IGF2BP2: variants seen among roughly 807,000 people sequenced by gnomAD.
IGF2BP2 encodes insulin like growth factor 2 mRNA binding protein 2, also known as insulin-like growth factor 2 mRNA-binding protein 2.
IGF2BP2 carries 17 observed loss-of-function variants against 75.8 expected under a neutral mutation model. The observed-to-expected ratio is 0.22, with a 90% CI of 0.15 to 0.34. The LOEUF (loss-of-function observed/expected upper bound fraction) is 0.34. IGF2BP2 is among the 10% of genes least tolerant of loss of function. The pLI, the probability that IGF2BP2 is intolerant of heterozygous loss-of-function variation, is 1.00. For missense variants in IGF2BP2, 516 were observed against 772.4 expected (o/e 0.67, Z 3.93); for synonymous variants, 288 against 295.6 (o/e 0.97, Z 0.26).
chr3:185,675,108 C>T, intron 9 of IGF2BP2, 188 bp downstream of exon 9: 1 of 376,324 alleles, frequency 2.7e-6, no homozygotes, highest in Non-Finnish European at 4.6e-6. Flanking sequence ...ATTTTAATGT[C>T]TTCACGTGAT....
chr3:185,646,981 GAA>G lies in IGF2BP2; in HGVS notation c.1707+42_1707+43del, dbSNP rs755806389. ...GCCACCAGCAGCTTAGCAGAGAATT[GAA>G]AAGAGACTTGCAGGAGAGACAGGGC... On this transcript the variant is annotated intron_variant, in intron 15 of 15. Coordinates refer to ENST00000382199, the MANE Select transcript of IGF2BP2 (RefSeq NM_006548.6). 21 of 1,451,990 alleles carry G rather than the reference GAA, an allele frequency of 1.4e-5. No homozygotes were observed. In the East Asian group the frequency reaches 4.5e-4, roughly 31 times the overall value. 89.9% of individuals were successfully genotyped at this position (1,451,990 alleles called of 1,614,324 possible).
chr3:185,721,027 G>C (rs1318543301), intron 2 of IGF2BP2, among the ~76,000 whole-genome samples: 1 of 152,140 alleles, frequency 6.6e-6, no homozygotes, highest in Non-Finnish European at 1.5e-5. Flanking sequence ...ATGTGAGTGG[G>C]CAGATGTCAG....
At chr3:185,700,938 G>A (rs1300392130) in intron 2 of IGF2BP2, among the ~76,000 whole-genome samples, 2 of 152,084 alleles carry the variant, frequency 1.3e-5, no homozygotes, top group Admixed American at 6.6e-5. Context: ...CAAGAAAAGA[G>A]GTAATTACAG....
chr3:185,731,495 C>T (rs375172165), intron 2 of IGF2BP2, among the ~76,000 whole-genome samples: 3 of 151,826 alleles, frequency 2.0e-5, no homozygotes, highest in African/African-American at 7.3e-5. Context: ...TCAGGTGATC[C>T]GCTCACCTCA....
intron 10 of IGF2BP2, among the ~76,000 whole-genome samples, chr3:185,665,428 GAGGAGGAGGAGA>G (rs1560251224): frequency 1.0e-5 from 1 of 95,656 alleles, no homozygotes; most frequent in African/African-American, 3.4e-5. Flanking sequence ...GAAGGAGAAG[GAGGAGGAGGAGA>G]AGGAGGAGGA....
At chr3:185,684,967 T>G (rs1055486310) in intron 7 of IGF2BP2, among the ~76,000 whole-genome samples, 1 of 152,220 alleles carries the variant, frequency 6.6e-6, no homozygotes, top group Non-Finnish European at 1.5e-5. Context: ...ATCTTGGCTC[T>G]ACATGAAAAC....
intron 2 of IGF2BP2, among the ~76,000 whole-genome samples, chr3:185,792,825 T>G (rs7633675): frequency 0.45 from 67,687 of 151,140 alleles, 18,072 homozygotes; most frequent in African/African-American, 0.77. Context: ...CATATCATCA[T>G]CATTCCCCAA....
At chr3:185,749,401 C>G (rs1730672599) in intron 2 of IGF2BP2, among the ~76,000 whole-genome samples, 1 of 152,210 alleles carries the variant, frequency 6.6e-6, no homozygotes, top group African/African-American at 2.4e-5. Flanking sequence ...AATACACAAT[C>G]AATTGTTGAT....
At chr3:185,711,081 ATTC>A (rs571437523) in intron 2 of IGF2BP2, among the ~76,000 whole-genome samples, 12 of 152,372 alleles carry the variant, frequency 7.9e-5, no homozygotes, top group African/African-American at 2.4e-4. Flanking sequence ...CATATAAATT[ATTC>A]TTATTATTAA....
At chr3:185,721,077 G>C (rs893036566) in intron 2 of IGF2BP2, among the ~76,000 whole-genome samples, 5 of 152,210 alleles carry the variant, frequency 3.3e-5, no homozygotes, top group African/African-American at 1.2e-4. Flanking sequence ...ACTGTCAATA[G>C]AGTAAGAAGC....
intron 9 of IGF2BP2, 60 bp from the exon 10 acceptor site, chr3:185,672,729 G>A (rs1488649264): frequency 6.3e-7 from 1 of 1,592,978 alleles, no homozygotes; most frequent in Admixed American, 1.7e-5. Context: ...CCGCACGCCT[G>A]GGTCAACCTC....
rs1215130671 is a variant in IGF2BP2 at position 185,645,500 on chromosome 3, A to C, written c.*31T>G. ...GTCAGGTGTTGGAAGGGCTACATTC[A>C]TCCGTTGTTTTGCTGGTGCCTGTGG... On this transcript the variant is annotated 3_prime_UTR_variant, in exon 16 of 16. Coordinates refer to ENST00000382199, the MANE Select transcript of IGF2BP2 (RefSeq NM_006548.6). The surrounding 1 kb of genome is among the most constrained non-coding windows in gnomAD (Gnocchi z 4.9). The C allele has an allele frequency of 6.8e-7, 1 of 1,478,724 alleles. No homozygotes were observed. Among genetic ancestry groups the C allele is most frequent in the Admixed American group, 1.7e-5 (1 of 59,836 alleles). 91.6% of individuals were successfully genotyped at this position (1,478,724 alleles called of 1,614,324 possible).
intron 2 of IGF2BP2, among the ~76,000 whole-genome samples, chr3:185,816,374 C>G (rs989601637): frequency 1.3e-5 from 2 of 152,184 alleles, no homozygotes; most frequent in Non-Finnish European, 2.9e-5. Flanking sequence ...AAAATTACCT[C>G]TATTTCTAAC....
chr3:185,809,309 AC>A (rs1739479953), intron 2 of IGF2BP2, among the ~76,000 whole-genome samples: 1 of 152,002 alleles, frequency 6.6e-6, no homozygotes, highest in South Asian at 2.1e-4. Context: ...GATTTGCAAA[AC>A]CTATTCTGGT....
intron 2 of IGF2BP2, among the ~76,000 whole-genome samples, chr3:185,721,061 C>T (rs1726455861): frequency 6.6e-6 from 1 of 152,134 alleles, no homozygotes; most frequent in Non-Finnish European, 1.5e-5. Context: ...ATGCCACCTC[C>T]TGTGTACTGT....
At chr3:185,725,633 G>T (rs1044799689) in intron 2 of IGF2BP2, among the ~76,000 whole-genome samples, 2 of 152,130 alleles carry the variant, frequency 1.3e-5, no homozygotes. Flanking sequence ...CATGGAATTT[G>T]CATGATGTCA....
At chr3:185,809,397 G>A (rs1375361832) in intron 2 of IGF2BP2, among the ~76,000 whole-genome samples, 1 of 152,186 alleles carries the variant, frequency 6.6e-6, no homozygotes, top group Non-Finnish European at 1.5e-5. Flanking sequence ...CCAGCCTTAT[G>A]AAGGTTTAAA....
intron 2 of IGF2BP2, among the ~76,000 whole-genome samples, chr3:185,799,919 C>T (rs752002126): frequency 2.0e-5 from 3 of 152,170 alleles, no homozygotes; most frequent in Non-Finnish European, 4.4e-5. Context: ...CCAGCAATCC[C>T]ATTACTGGGT....
At chr3:185,752,002 G>A (rs1731036150) in intron 2 of IGF2BP2, among the ~76,000 whole-genome samples, 1 of 152,110 alleles carries the variant, frequency 6.6e-6, no homozygotes, top group Non-Finnish European at 1.5e-5. Context: ...TCTGATGAAT[G>A]CTATTAGTTG....
Sources: gnomAD v4.1 joint callset for allele counts (sites outside exome capture counted in the v4.1 genomes callset) on GRCh38, gnomAD v4.1.1 for gene constraint, Gnocchi (gnomAD v3.1) non-coding constraint, MANE v1.5 for transcripts, NCBI Gene and HGNC (gene_info 2026-07-23, HGNC 2026-07-21) for gene names.